LRRIQ3: variants seen among roughly 807,000 people sequenced by gnomAD.
LRRIQ3 encodes leucine rich repeats and IQ motif containing 3.
A neutral mutation model predicts 59.3 loss-of-function variants in LRRIQ3; 75 were observed. The ratio of observed to expected loss-of-function variants is 1.26; its 90% CI spans 1.05 to 1.53. The LOEUF is 1.53. Among genes scored for constraint, LRRIQ3 ranks in the 40% most tolerant of loss-of-function variants. The pLI, the probability that LRRIQ3 is intolerant of heterozygous loss-of-function variation, is 0.00. For missense variants in LRRIQ3, 831 were observed against 710.0 expected (o/e 1.17, Z -1.94); for synonymous variants, 250 against 231.3 (o/e 1.08, Z -0.73).
chr1:74,041,019 G>C (rs1381800146), intron 7 of LRRIQ3, among the ~76,000 whole-genome samples, 194 bp downstream of exon 7: 1 of 151,590 alleles, frequency 6.6e-6, no homozygotes, highest in Non-Finnish European at 1.5e-5. Flanking sequence ...GTGGAGAGAT[G>C]GGGAAAGACA....
chr1:74,043,038 G>A (rs1557590101), intron 6 of LRRIQ3, among the ~76,000 whole-genome samples: 1 of 151,992 alleles, frequency 6.6e-6, no homozygotes, highest in African/African-American at 2.4e-5. Flanking sequence ...AAGTAATTAT[G>A]TTTCAGTCAA....
At chr1:74,104,814 C>T (rs1007088140) in intron 5 of LRRIQ3, among the ~76,000 whole-genome samples, 9 of 151,946 alleles carry the variant, frequency 5.9e-5, no homozygotes, top group East Asian at 5.8e-4. Flanking sequence ...ATGGAAACTA[C>T]GGACTTTAGG....
chr1:74,087,238 T>C (rs2100508374), intron 5 of LRRIQ3, among the ~76,000 whole-genome samples: 1 of 152,118 alleles, frequency 6.6e-6, no homozygotes, highest in East Asian at 1.9e-4. Context: ...TTTTGTCTCA[T>C]ACATCTCTAT....
intron 5 of LRRIQ3, among the ~76,000 whole-genome samples, chr1:74,089,746 A>T (rs1454395726): frequency 6.6e-6 from 1 of 152,072 alleles, no homozygotes; most frequent in African/African-American, 2.4e-5. Context: ...TTATTTAATT[A>T]GTGATGATCG....
At chr1:74,055,208 A>ATG (rs1654494582) in intron 6 of LRRIQ3, among the ~76,000 whole-genome samples, 1 of 146,526 alleles carries the variant, frequency 6.8e-6, no homozygotes, top group African/African-American at 2.5e-5. Flanking sequence ...ATATATATAT[A>ATG]TATACACACA....
intron 2 of LRRIQ3, 79 bp downstream of exon 2, chr1:74,183,357 T>A: frequency 8.1e-7 from 1 of 1,228,514 alleles, no homozygotes; most frequent in South Asian, 1.9e-5. Context: ...GAAGAAATAC[T>A]GTGGATAGGT....
chr1:74,124,249 T>C (rs1646903333), intron 4 of LRRIQ3, among the ~76,000 whole-genome samples: 1 of 152,028 alleles, frequency 6.6e-6, no homozygotes, highest in Non-Finnish European at 1.5e-5. Flanking sequence ...GAGCTCCTTA[T>C]ATATTGTAGC....
chr1:74,146,670 A>C (rs1026086770), intron 4 of LRRIQ3, among the ~76,000 whole-genome samples: 1 of 152,162 alleles, frequency 6.6e-6, no homozygotes, highest in African/African-American at 2.4e-5. Context: ...TGATCCATGA[A>C]ATATGGGCCT....
chr1:74,056,004 G>A (rs1654522836), intron 6 of LRRIQ3, among the ~76,000 whole-genome samples: 1 of 151,688 alleles, frequency 6.6e-6, no homozygotes, highest in African/African-American at 2.4e-5. Context: ...AATTAGCCGG[G>A]TGTGGTGGTG....
chr1:74,084,217 C>T, intron 5 of LRRIQ3: 1 of 1,545,202 alleles, frequency 6.5e-7, no homozygotes, highest in Non-Finnish European at 8.7e-7. Flanking sequence ...TTTTTTTATC[C>T]TGAAGAAAAA....
chr1:74,049,218 G>A (rs943433092), intron 6 of LRRIQ3, among the ~76,000 whole-genome samples: 6 of 152,168 alleles, frequency 3.9e-5, no homozygotes, highest in African/African-American at 9.6e-5. Flanking sequence ...TGCTGGAGAC[G>A]CTCACAGAGG....
chr1:74,071,048 TAC>T (rs1452367839), intron 6 of LRRIQ3, among the ~76,000 whole-genome samples: 30 of 146,804 alleles, frequency 2.0e-4, no homozygotes, highest in African/African-American at 6.7e-4. Flanking sequence ...CACACACACA[TAC>T]ACACACATTA....
chr1:74,182,118 T>C (rs1650014457), intron 3 of LRRIQ3: 1 of 152,088 alleles, frequency 6.6e-6, no homozygotes, highest in South Asian at 2.1e-4. Context: ...TATAAATCAA[T>C]AGATAATGAT....
chr1:74,093,866 A>C (rs192454056), intron 5 of LRRIQ3, among the ~76,000 whole-genome samples: 2 of 152,184 alleles, frequency 1.3e-5, no homozygotes, highest in East Asian at 3.9e-4. Flanking sequence ...GAGCTGAATA[A>C]AGGGCTGCCA....
At chr1:74,183,384 A>G (rs774839046) in intron 2 of LRRIQ3, 52 bp downstream of exon 2, 30 of 1,467,488 alleles carry the variant, frequency 2.0e-5, no homozygotes, top group Middle Eastern at 2.5e-4. Flanking sequence ...AGTACTTATT[A>G]TAAGACTGAA....
chr1:74,074,578 C>A (rs1203073464), intron 6 of LRRIQ3, 83 bp downstream of exon 6: 7 of 601,394 alleles, frequency 1.2e-5, no homozygotes, highest in South Asian at 4.9e-5. Context: ...ACTTGCAAAT[C>A]AACATGCCCA....
chr1:74,061,074 C>A (rs1654709126), intron 6 of LRRIQ3, among the ~76,000 whole-genome samples: 1 of 152,044 alleles, frequency 6.6e-6, no homozygotes, highest in African/African-American at 2.4e-5. Context: ...TGATATATGA[C>A]CTCAGCAAAG....
intron 4 of LRRIQ3, among the ~76,000 whole-genome samples, chr1:74,122,808 C>G (rs904825148): frequency 1.3e-5 from 2 of 152,062 alleles, no homozygotes; most frequent in African/African-American, 2.4e-5. Flanking sequence ...GCAATGGCAA[C>G]AAAAGCCAAA....
At chr1:74,124,071 A>G (rs758697948) in intron 4 of LRRIQ3, among the ~76,000 whole-genome samples, 3 of 151,904 alleles carry the variant, frequency 2.0e-5, no homozygotes, top group Non-Finnish European at 4.4e-5. Context: ...ATAGGGTGAG[A>G]TGGTATCTCA....
Sources: gnomAD v4.1 joint callset for allele counts (sites outside exome capture counted in the v4.1 genomes callset) on GRCh38, gnomAD v4.1.1 for gene constraint, MANE v1.5 for transcripts, NCBI Gene and HGNC (gene_info 2026-07-23, HGNC 2026-07-21) for gene names.